The following MYRIP variants were observed in gnomAD, a reference collection of about 807,000 sequenced individuals.
MYRIP encodes the protein myosin VIIA and Rab interacting protein.
In MYRIP, 49 loss-of-function variants were observed where a neutral mutation model predicts 98.0. The observed-to-expected ratio is 0.50, with a 90% confidence interval of 0.40 to 0.63. MYRIP has a LOEUF of 0.63. Among genes scored for constraint, MYRIP ranks in the 30% least tolerant of loss-of-function variants. MYRIP has a pLI of 0.00. For synonymous variants in MYRIP, 404 were observed against 409.5 expected, an observed-to-expected ratio of 0.99 and a Z score of 0.16; for missense variants, 1,004 against 1,058.2, an observed-to-expected ratio of 0.95 and a Z score of 0.71.
intron 2 of MYRIP, among the ~76,000 whole-genome samples, chr3:40,003,170 T>G (rs1198220479): frequency 6.6e-6 from 1 of 151,994 alleles, no homozygotes; most frequent in Non-Finnish European, 1.5e-5. Flanking sequence ...TAAATACAGA[T>G]AGATATAAAT....
intron 2 of MYRIP, among the ~76,000 whole-genome samples, chr3:39,957,189 A>G (rs574761077): frequency 2.6e-5 from 4 of 151,984 alleles, no homozygotes; most frequent in African/African-American, 9.7e-5. Context: ...TGAGGCCAGC[A>G]TCATCCTGAT....
At chr3:40,033,934 T>G (rs1178285442) in intron 2 of MYRIP, among the ~76,000 whole-genome samples, 1 of 152,232 alleles carries the variant, frequency 6.6e-6, no homozygotes, top group South Asian at 2.1e-4. Flanking sequence ...TACAACTATC[T>G]GATCTTTGAC....
At chr3:40,015,541 G>A (rs1341988202) in intron 2 of MYRIP, among the ~76,000 whole-genome samples, 2 of 152,208 alleles carry the variant, frequency 1.3e-5, no homozygotes, top group African/African-American at 4.8e-5. Flanking sequence ...CAGAGGAGGG[G>A]AGCTCTAGGG....
At chr3:39,839,387 A>C (rs923860017) in intron 1 of MYRIP, among the ~76,000 whole-genome samples, 6 of 151,842 alleles carry the variant, frequency 4.0e-5, no homozygotes, top group Admixed American at 2.0e-4. Flanking sequence ...CCTCCTGAGT[A>C]GCTGGGATTA....
intron 1 of MYRIP, among the ~76,000 whole-genome samples, chr3:39,881,035 C>G (rs1236400127): frequency 6.6e-6 from 1 of 152,000 alleles, no homozygotes; most frequent in Non-Finnish European, 1.5e-5. Context: ...ATCTTCCAAG[C>G]TTTCTATTGA....
intron 2 of MYRIP, among the ~76,000 whole-genome samples, chr3:39,919,101 T>C (rs1944241702): frequency 6.6e-6 from 1 of 152,194 alleles, no homozygotes; most frequent in South Asian, 2.1e-4. Context: ...ATCAAAGACA[T>C]GTATTTTTAG....
chr3:40,203,669 AT>A (rs33991263), intron 10 of MYRIP, among the ~76,000 whole-genome samples: 11,522 of 129,702 alleles, frequency 0.089, 891 homozygotes, highest in African/African-American at 0.21. Context: ...ATATTTATAT[AT>A]TTTTATATTT....
chr3:39,997,367 A>G (rs1401556820), intron 2 of MYRIP, among the ~76,000 whole-genome samples: 1 of 152,070 alleles, frequency 6.6e-6, no homozygotes, highest in African/African-American at 2.4e-5. Context: ...CACCGATCCC[A>G]CAGAAATACA....
chr3:39,827,120 G>A (rs1036285733), intron 1 of MYRIP, among the ~76,000 whole-genome samples: 1 of 151,860 alleles, frequency 6.6e-6, no homozygotes, highest in Non-Finnish European at 1.5e-5. Context: ...TTTTTTGTTT[G>A]TTTGTTTTTA....
chr3:40,160,863 G>A lies in MYRIP; in HGVS notation c.470-1867G>A, dbSNP rs141542055. ...GCAATGCCTTGCCCTGCTTCGGTTC[G>A]CACACGGTGCGCACACCCACTGACC... On this transcript the variant is annotated intron_variant, in intron 4 of 16. Coordinates refer to ENST00000302541, the MANE Select transcript of MYRIP (RefSeq NM_015460.4). Among the ~76,000 whole-genome samples, 502 of 152,252 alleles carry A rather than the reference G, an allele frequency of 3.3e-3. 13 individuals are homozygous for A. The highest frequency in any genetic ancestry group is 0.028 in the Admixed American group (435 of 15,294).
At chr3:40,048,062 TTACTTTAGACAC>T (rs1355171994) in intron 3 of MYRIP, among the ~76,000 whole-genome samples, 1 of 152,190 alleles carries the variant, frequency 6.6e-6, no homozygotes, top group Non-Finnish European at 1.5e-5. Flanking sequence ...TAGAACTGAT[TTACTTTAGACAC>T]TACTCTTTGG....
chr3:39,970,975 T>G (rs1383262403), intron 2 of MYRIP, among the ~76,000 whole-genome samples: 2 of 152,116 alleles, frequency 1.3e-5, no homozygotes, highest in Non-Finnish European at 2.9e-5. Context: ...ACATGTATAT[T>G]TCATACATAC....
At chr3:40,258,013 T>C in intron 16 of MYRIP, 121 bp from the exon 17 acceptor site, 1 of 1,064,654 alleles carries the variant, frequency 9.4e-7, no homozygotes, top group Admixed American at 1.8e-5. Context: ...TTGTGAAACA[T>C]CTAACTGGTC....
At chr3:39,885,089 T>C (rs1322833530) in intron 1 of MYRIP, among the ~76,000 whole-genome samples, 1 of 151,856 alleles carries the variant, frequency 6.6e-6, no homozygotes, top group Non-Finnish European at 1.5e-5. Context: ...TCAAAGCCAA[T>C]AGGTTAAATA....
chr3:40,060,479 A>T (rs1181863461), intron 3 of MYRIP, among the ~76,000 whole-genome samples: 1 of 151,948 alleles, frequency 6.6e-6, no homozygotes, highest in Non-Finnish European at 1.5e-5. Flanking sequence ...GTTGGTGGTT[A>T]TTTTGCGAAT....
chr3:40,227,645 C>T (rs764768222), intron 11 of MYRIP, among the ~76,000 whole-genome samples: 3 of 152,154 alleles, frequency 2.0e-5, no homozygotes, highest in Non-Finnish European at 4.4e-5. Flanking sequence ...GTAAAAGGCA[C>T]TCTTTGAAAT....
intron 1 of MYRIP, among the ~76,000 whole-genome samples, chr3:39,866,149 A>C (rs1218502383): frequency 6.6e-6 from 1 of 152,128 alleles, no homozygotes; most frequent in Non-Finnish European, 1.5e-5. Context: ...CAAAGATGGG[A>C]ATAACAGACA....
intron 3 of MYRIP, among the ~76,000 whole-genome samples, chr3:40,064,359 G>GA (rs111290019): frequency 2.6e-4 from 38 of 148,834 alleles, no homozygotes; most frequent in African/African-American, 8.1e-4. Flanking sequence ...TTTGGAGGGA[G>GA]AAAAAAAAAC....
chr3:40,167,055 C>A, intron 6 of MYRIP, 104 bp from the exon 7 acceptor site: 1 of 1,377,850 alleles, frequency 7.3e-7, no homozygotes, highest in Non-Finnish European at 1.0e-6. Flanking sequence ...CTGACTAGAG[C>A]AAGGCCCTCC....
Sources: allele counts gnomAD v4.1 joint callset (sites outside exome capture counted in the v4.1 genomes callset), GRCh38; gene constraint gnomAD v4.1.1; transcripts MANE v1.5; gene names NCBI Gene and HGNC (gene_info 2026-07-23, HGNC 2026-07-21).